Variants in VCPIP1 observed in about 807,000 individuals in gnomAD.
VCPIP1 encodes valosin containing protein interacting protein 1.
In VCPIP1, 8 loss-of-function variants were observed where a neutral mutation model predicts 85.0. That is an observed-to-expected ratio of 0.09 (90% CI 0.06 to 0.17). VCPIP1 has a LOEUF of 0.17. Among genes scored for constraint, VCPIP1 ranks in the 10% least tolerant of loss-of-function variants. The probability of loss-of-function intolerance (pLI) is 1.00; values close to 1 mark genes in which losing one functional copy is unlikely to be tolerated. For missense variants in VCPIP1, 1,070 were observed against 1,486.3 expected, an observed-to-expected ratio of 0.72 and a Z score of 4.61; for synonymous variants, 543 against 544.5, an observed-to-expected ratio of 1.00 and a Z score of 0.04.
At position 66,629,595 on chromosome 8, in the gene VCPIP1, C is replaced by T. The variant is rs1214734924; in HGVS notation, c.*4906G>A. 1.3e-5 allele frequency: 2 copies of T among 152,176 alleles called. No individual in the cohort carries two copies. The highest frequency in any genetic ancestry group is 2.9e-5 in the Non-Finnish European group (2 of 68,064). 9.4% of individuals were successfully genotyped at this position (152,176 alleles called of 1,614,324 possible). On this transcript the variant is annotated 3_prime_UTR_variant, in exon 3 of 3. Coordinates refer to ENST00000310421, the MANE Select transcript of VCPIP1 (RefSeq NM_025054.5). ...GGGTGCGGTGGCTCACGCCTGTAAT[C>T]CCAGCACTTAAAGAGGCAGAGGAGG...
At chr8:66,636,236 CAAAAAAAAAAAAAA>C (rs1180259925) in intron 2 of VCPIP1, among the ~76,000 whole-genome samples, 7 of 41,518 alleles carry the variant, frequency 1.7e-4, no homozygotes, top group African/African-American at 5.5e-4. Context: ...GACTCCATCT[CAAAAAAAAAAAAAA>C]AAAAAAAAAA....
chr8:66,663,772 G>T (rs1237736598), intron 1 of VCPIP1, among the ~76,000 whole-genome samples: 1 of 152,120 alleles, frequency 6.6e-6, no homozygotes, highest in African/African-American at 2.4e-5. Flanking sequence ...ACTGGGAAAG[G>T]AAGAAAATGA....
intron 1 of VCPIP1, among the ~76,000 whole-genome samples, chr8:66,662,305 A>G (rs1213986161): frequency 1.3e-5 from 2 of 152,106 alleles, no homozygotes; most frequent in Non-Finnish European, 2.9e-5. Flanking sequence ...AAATATTCCT[A>G]CCCCTCGACA....
chr8:66,650,593 T>C lies in VCPIP1; in HGVS notation c.2797+865A>G, dbSNP rs189103333. 2.6e-5 allele frequency among the ~76,000 whole-genome samples: 4 copies of C among 152,230 alleles called. No individual in the cohort carries two copies. The East Asian group carries it at 7.7e-4, about 29-fold the overall frequency. ...CACAATGTGAAAGAAGCTAAATGTA[T>C]AATGAGCTGTATCCTAGAACTTAGA... On this transcript the variant is annotated intron_variant, in intron 2 of 2. Transcript: ENST00000310421.
In VCPIP1 at chr8:66,651,453, T is replaced by C; in HGVS notation, c.2797+5A>G. 6.3e-7 allele frequency: 1 copy of C among 1,597,360 alleles called. No homozygotes were observed. Among genetic ancestry groups the C allele is most frequent in the East Asian group, 2.2e-5 (1 of 44,610 alleles). ...TATTTAAGAATAAAATCAAATTAAC[T>C]ATACCCATGGTTTTCTTCATAATAC... On this transcript the variant is annotated splice_donor_5th_base_variant and intron_variant, in intron 2 of 2. Coordinates refer to ENST00000310421, the MANE Select transcript of VCPIP1 (RefSeq NM_025054.5).
At chr8:66,657,256 C>CCA (rs1811109860) in intron 1 of VCPIP1, among the ~76,000 whole-genome samples, 2 of 152,034 alleles carry the variant, frequency 1.3e-5, no homozygotes, top group South Asian at 4.1e-4. Flanking sequence ...ACTCTGAACT[C>CCA]AACTATTTAT....
rs1169433215 is a variant in VCPIP1, at chr8:66,637,759, G to C, written c.2798-2387C>G. Among the ~76,000 whole-genome samples, 16 of 151,712 alleles carry C rather than the reference G, an allele frequency of 1.1e-4. No individual in the cohort carries two copies. The East Asian group carries it at 3.1e-3, about 30-fold the overall frequency. ...CTGAGGCGGGCGGATCACAAGGTCAGGAGATCGAGACCATCCTGGCTAGCA... is the reference window on the plus strand; with the variant it reads ...CTGAGGCGGGCGGATCACAAGGTCACGAGATCGAGACCATCCTGGCTAGCA... On this transcript the variant is annotated intron_variant, in intron 2 of 2. Transcript: ENST00000310421.
rs1811227949 is a variant in VCPIP1, at chr8:66,667,137, C to A, written c.-179G>T. ...GCGCCGGACGTTGTTTCTCTTCTTA[C>A]TTCTCCACTGCCGTAGCCGTTGCCC... On this transcript the variant is annotated 5_prime_UTR_variant, in exon 1 of 3. Coordinates refer to ENST00000310421, the MANE Select transcript of VCPIP1 (RefSeq NM_025054.5). The A allele has an allele frequency of 2.2e-6, 3 of 1,339,898 alleles. No homozygotes were observed. Among genetic ancestry groups the A allele is most frequent in the Non-Finnish European group, 2.9e-6 (3 of 1,026,012 alleles). The allele number at this position is 1,339,898 out of a possible 1,614,324, so 83.0% of individuals were successfully genotyped here. A position where few individuals can be genotyped will look rare whatever the true frequency, so the allele number is the denominator to read the frequency against.
At chr8:66,661,857 C>T (rs1262955531) in intron 1 of VCPIP1, among the ~76,000 whole-genome samples, 2 of 150,242 alleles carry the variant, frequency 1.3e-5, no homozygotes, top group East Asian at 2.0e-4. Context: ...TCTGCCTCCC[C>T]GGTTCACAAG....
Position 66,664,863 on chromosome 8 carries a change from G to A in VCPIP1, c.2096C>T (p.Thr699Ile), listed in dbSNP as rs1811192427. 1.2e-6 allele frequency: 2 copies of A among 1,613,942 alleles called. No individual in the cohort carries two copies. The highest frequency in any genetic ancestry group is 1.7e-6 in the Non-Finnish European group (2 of 1,179,946). Reference protein sequence around the residue: ...PTKIILTGQKTKTLHKEELNM... With the variant: ...PTKIILTGQKIKTLHKEELNM... ...TAACTCCTCCTTGTGCAAAGTTTTT[G>A]TTTTCTGTCCAGTAAGAATAATTTT... Residue 699 changes from threonine to isoleucine, a missense_variant, in exon 1 of 3, where the codon ACA becomes ATA. This residue lies in a region of VCPIP1 where 278 missense variants were observed against 298.5 expected (regional missense o/e 0.93). Transcript: ENST00000310421.
At chr8:66,657,351 C>T (rs985211649) in intron 1 of VCPIP1, among the ~76,000 whole-genome samples, 1 of 151,958 alleles carries the variant, frequency 6.6e-6, no homozygotes, top group African/African-American at 2.4e-5. Flanking sequence ...ATAAATGGTT[C>T]CAAATATAAA....
chr8:66,666,518 C>T lies in VCPIP1; in HGVS notation c.441G>A (p.Lys147=), dbSNP rs767888126. The T allele has an allele frequency of 5.0e-6, 8 of 1,614,210 alleles. No individual in the cohort carries two copies. Among genetic ancestry groups the T allele is most frequent in the Admixed American group, 1.7e-5 (1 of 60,030 alleles). ...YGMDKQTGRA[K]LLRDMNQGEL... ...CGCCCTGGTTCATGTCCCGGAGAAG[C>T]TTGGCCCGGCCTGTCTGTTTGTCCA... The change falls in exon 1 of 3, where the codon AAG becomes AAA. Residue 147 remains lysine (K), a synonymous_variant. Coordinates refer to ENST00000310421, the MANE Select transcript of VCPIP1 (RefSeq NM_025054.5). This position sits in a 1 kb window ranked among gnomAD's most constrained non-coding sequence, Gnocchi z 6.3.
At chr8:66,656,791 G>A (rs1811104401) in intron 1 of VCPIP1, among the ~76,000 whole-genome samples, 1 of 151,910 alleles carries the variant, frequency 6.6e-6, no homozygotes, top group Non-Finnish European at 1.5e-5. Context: ...TGTATTTTTA[G>A]TAGATACAGG....
Position 66,666,981 on chromosome 8 carries a change from C to T in VCPIP1, c.-23G>A, listed in dbSNP as rs895393069. On this transcript the variant is annotated 5_prime_UTR_variant, in exon 1 of 3. Coordinates refer to ENST00000310421, the MANE Select transcript of VCPIP1 (RefSeq NM_025054.5). This position sits in a 1 kb window ranked among gnomAD's most constrained non-coding sequence, Gnocchi z 6.3. Reference sequence around the variant, plus strand: ...CATAGCTCCTGGCTCTCGTGTCTCGCTCCGCGTCCCAGGCGACCCTCAAAA... The same window carrying T: ...CATAGCTCCTGGCTCTCGTGTCTCGTTCCGCGTCCCAGGCGACCCTCAAAA... 18 of 1,509,044 alleles carry T rather than the reference C, an allele frequency of 1.2e-5. No individual in the cohort carries two copies. In the African/African-American group the frequency reaches 1.7e-4, roughly 14 times the overall value. The allele number at this position is 1,509,044 out of a possible 1,614,324, so 93.5% of individuals were successfully genotyped here. A position where few individuals can be genotyped will look rare whatever the true frequency, so the allele number is the denominator to read the frequency against.
chr8:66,661,073 A>G (rs1251390858), intron 1 of VCPIP1, among the ~76,000 whole-genome samples: 1 of 152,314 alleles, frequency 6.6e-6, no homozygotes. Flanking sequence ...ATTCAAATAC[A>G]GTCATAAGCG....
At position 66,664,510 on chromosome 8, in the gene VCPIP1, T is replaced by C. The variant is rs1452362200; in HGVS notation, c.2449A>G (p.Ile817Val). The C allele has an allele frequency of 3.1e-6, 5 of 1,614,108 alleles. No individual in the cohort carries two copies. The highest frequency in any genetic ancestry group is 4.2e-6 in the Non-Finnish European group (5 of 1,180,054). ...EFNIPPYLQC[I>V]RYGFPPKELM... ...TCTTTAGGAGGAAACCCGTATCGAATACACTGTAAATATGGAGGAATGTTG... is the reference window on the plus strand; with the variant it reads ...TCTTTAGGAGGAAACCCGTATCGAACACACTGTAAATATGGAGGAATGTTG... Residue 817 changes from isoleucine (I) to valine (V), a missense_variant, in exon 1 of 3, where the codon ATT (isoleucine) becomes GTT (valine). Physicochemically the swap from Ile to Val is conservative, Grantham distance 29. This residue lies in a region of VCPIP1 where 278 missense variants were observed against 298.5 expected (regional missense o/e 0.93). Transcript: ENST00000310421.
In VCPIP1 at chr8:66,664,443, G is replaced by A. The variant is rs1811186706; in HGVS notation, c.2516C>T (p.Pro839Leu). The part of the protein sequence containing the change: ...PQAGMEKEPV[P>L]LQHGDRITIE... ...TGTAATTCTGTCGCCATGCTGTAAA[G>A]GAACTGGTTCCTTTTCCATTCCTGC... The change falls in exon 1 of 3, where the codon CCT becomes CTT. Residue 839 changes from proline (P) to leucine (L), a missense_variant. Pro to Leu is a moderately conservative substitution (Grantham distance 98). This residue lies in a region of VCPIP1 where 278 missense variants were observed against 298.5 expected (regional missense o/e 0.93). Coordinates refer to ENST00000310421, the MANE Select transcript of VCPIP1 (RefSeq NM_025054.5). The A allele has an allele frequency of 1.9e-6, 3 of 1,613,820 alleles. No homozygotes were observed. The highest frequency in any genetic ancestry group is 2.5e-6 in the Non-Finnish European group (3 of 1,179,754).
chr8:66,650,465 T>A (rs1811041181), intron 2 of VCPIP1, among the ~76,000 whole-genome samples: 1 of 151,846 alleles, frequency 6.6e-6, no homozygotes, highest in South Asian at 2.1e-4. Context: ...TTGAAAAAAA[T>A]GTGTGAAGTC....
intron 2 of VCPIP1, among the ~76,000 whole-genome samples, chr8:66,642,031 C>T (rs1810953075): frequency 6.6e-6 from 1 of 152,318 alleles, no homozygotes; most frequent in African/African-American, 2.4e-5. Context: ...CAAGTGGCTG[C>T]ATCATTTTTA....
Sources: gnomAD v4.1 joint callset for allele counts (sites outside exome capture counted in the v4.1 genomes callset) on GRCh38, gnomAD v4.1.1 for gene constraint, gnomAD v4.1.1 regional missense constraint, Gnocchi (gnomAD v3.1) non-coding constraint, MANE v1.5 for transcripts, NCBI Gene and HGNC (gene_info 2026-07-23, HGNC 2026-07-21) for gene names.